Variants in MECOM observed in about 807,000 individuals in gnomAD.
The protein encoded by MECOM is MDS1 and EVI1 complex locus, also known as histone-lysine N-methyltransferase MECOM.
MECOM carries 13 observed loss-of-function variants against 116.3 expected under a neutral mutation model. The ratio of observed to expected loss-of-function variants is 0.11; its 90% CI spans 0.07 to 0.18. MECOM has a LOEUF of 0.18. MECOM is among the 10% of genes least tolerant of loss of function. The pLI is 1.00. For missense variants in MECOM, 1,299 were observed against 1,509.0 expected (o/e 0.86, Z 2.31); for synonymous variants, 528 against 535.2 (o/e 0.99, Z 0.19).
At chr3:169,112,538 C>A (rs1359267701) in intron 9 of MECOM, among the ~76,000 whole-genome samples, 2 of 152,144 alleles carry the variant, frequency 1.3e-5, no homozygotes, top group Non-Finnish European at 2.9e-5. Context: ...CCAAAATGCA[C>A]TTTAACTCAA....
chr3:169,179,933 C>T (rs564314807), intron 2 of MECOM, among the ~76,000 whole-genome samples: 16 of 152,302 alleles, frequency 1.1e-4, no homozygotes, highest in African/African-American at 3.8e-4. Context: ...AGACCTGTAG[C>T]TCAGCATAAA....
intron 2 of MECOM, among the ~76,000 whole-genome samples, chr3:169,347,003 T>G (rs1263645435): frequency 6.6e-6 from 1 of 152,056 alleles, no homozygotes; most frequent in Non-Finnish European, 1.5e-5. Context: ...TTATGGTATA[T>G]CCATTCAGTG....
At chr3:169,247,008 A>C (rs1033388482) in intron 2 of MECOM, among the ~76,000 whole-genome samples, 2 of 152,206 alleles carry the variant, frequency 1.3e-5, no homozygotes, top group Non-Finnish European at 2.9e-5. Context: ...TATTATTTAA[A>C]GAGATTTTTT....
At position 169,452,086 on chromosome 3, in the gene MECOM, T is replaced by TA. The variant is rs200668179; in HGVS notation, c.38-70563dup. Among the ~76,000 whole-genome samples the TA allele has an allele frequency of 2.0e-3, 300 of 152,082 alleles. 5 individuals are homozygous for TA. In the East Asian group the frequency reaches 0.048, roughly 25 times the overall value. ...TTCCCAAATAATAGCCATCGATTTT[T>TA]AAAAAAACTTTGAATGGATCAAATC... On this transcript the variant is annotated intron_variant, in intron 1 of 16. Coordinates refer to ENST00000651503, the MANE Select transcript of MECOM (RefSeq NM_004991.4).
rs539873617 is a variant in MECOM at position 169,097,817 on chromosome 3, TAAA to T, written c.2850-2575_2850-2573del. Reference sequence around the variant, plus strand: ...AACAGAGTGAGACCTACTGTCTATATAAAAAAAAAAAAAAAAAAAAAAAGGTGG... The same window carrying T: ...AACAGAGTGAGACCTACTGTCTATATAAAAAAAAAAAAAAAAAAAAGGTGG... On this transcript the variant is annotated intron_variant, in intron 12 of 16. Coordinates refer to ENST00000651503, the MANE Select transcript of MECOM (RefSeq NM_004991.4). Among the ~76,000 whole-genome samples the T allele has an allele frequency of 8.4e-3, 732 of 87,212 alleles. 12 individuals carry two copies. The highest frequency in any genetic ancestry group is 0.01 in the Non-Finnish European group (457 of 44,774). 57.2% of individuals were successfully genotyped at this position (87,212 alleles called of 152,430 possible).
At chr3:169,542,825 A>T (rs1433015017) in intron 1 of MECOM, among the ~76,000 whole-genome samples, 1 of 152,224 alleles carries the variant, frequency 6.6e-6, no homozygotes, top group Non-Finnish European at 1.5e-5. Flanking sequence ...TGGGGTTATC[A>T]TTAATGATCT....
intron 2 of MECOM, among the ~76,000 whole-genome samples, chr3:169,202,207 A>C (rs1749251930): frequency 6.6e-6 from 1 of 152,172 alleles, no homozygotes; most frequent in Non-Finnish European, 1.5e-5. Context: ...CAAAAAATAT[A>C]CTTCTTACCA....
intron 1 of MECOM, among the ~76,000 whole-genome samples, chr3:169,388,165 G>T (rs888359318): frequency 6.6e-6 from 1 of 152,074 alleles, no homozygotes. Context: ...GAGCACATGA[G>T]CACAAGTCCA....
chr3:169,094,725 T>C (rs1424015088), intron 13 of MECOM, among the ~76,000 whole-genome samples: 4 of 152,220 alleles, frequency 2.6e-5, no homozygotes, highest in African/African-American at 4.8e-5. Context: ...CTAGAGACTC[T>C]GCCATGCCTA....
At chr3:169,194,246 T>A (rs1361038362) in intron 2 of MECOM, among the ~76,000 whole-genome samples, 1 of 151,944 alleles carries the variant, frequency 6.6e-6, no homozygotes, top group Admixed American at 6.6e-5. Flanking sequence ...TTCTCACTCA[T>A]AGGTGGGAAT....
chr3:169,225,273 T>C (rs1449390904), intron 2 of MECOM, among the ~76,000 whole-genome samples: 1 of 152,230 alleles, frequency 6.6e-6, no homozygotes, highest in Non-Finnish European at 1.5e-5. Flanking sequence ...TTATGTTCAA[T>C]ATCCCATAGT....
chr3:169,092,154 A>T (rs1254275659), intron 14 of MECOM, among the ~76,000 whole-genome samples: 3 of 152,092 alleles, frequency 2.0e-5, no homozygotes, highest in Non-Finnish European at 4.4e-5. Flanking sequence ...AACAGCATTA[A>T]AAGCTTTTTT....
At chr3:169,090,273 T>C in intron 14 of MECOM, 37 bp from the exon 15 acceptor site, 1 of 1,553,382 alleles carries the variant, frequency 6.4e-7, no homozygotes, top group Non-Finnish European at 8.7e-7. Context: ...CAATTGTTGG[T>C]TTCATTTTTA....
chr3:169,320,151 C>A (rs376271899), intron 2 of MECOM, among the ~76,000 whole-genome samples: 3 of 152,064 alleles, frequency 2.0e-5, no homozygotes. Flanking sequence ...GGATTGGATG[C>A]GGATTTTAGA....
intron 2 of MECOM, among the ~76,000 whole-genome samples, chr3:169,154,834 G>A (rs959682814): frequency 3.3e-5 from 5 of 152,008 alleles, no homozygotes; most frequent in Non-Finnish European, 7.4e-5. Flanking sequence ...TTTTGCCTTG[G>A]TTATCATAGA....
chr3:169,198,143 T>A (rs571739121), intron 2 of MECOM, among the ~76,000 whole-genome samples: 10 of 152,192 alleles, frequency 6.6e-5, no homozygotes, highest in Non-Finnish European at 1.2e-4. Context: ...TGTAAACTAC[T>A]TATGATTCTT....
chr3:169,364,674 A>G (rs1418619140), intron 2 of MECOM, among the ~76,000 whole-genome samples: 5 of 152,064 alleles, frequency 3.3e-5, no homozygotes, highest in African/African-American at 7.2e-5. Flanking sequence ...CACTGTCACT[A>G]TCCAAAAGCA....
intron 16 of MECOM, chr3:169,086,642 A>T: frequency 1.4e-6 from 1 of 696,408 alleles, no homozygotes; most frequent in South Asian, 1.5e-5. Flanking sequence ...ACTTACATAA[A>T]GTGTTTAGCT....
intron 12 of MECOM, 66 bp downstream of exon 12, chr3:169,100,819 A>T: frequency 3.3e-6 from 3 of 901,396 alleles, no homozygotes; most frequent in Non-Finnish European, 4.4e-6. Flanking sequence ...TTATTATTTT[A>T]TTATTAAAAT....
Sources: gnomAD v4.1 joint callset for allele counts (sites outside exome capture counted in the v4.1 genomes callset) on GRCh38, gnomAD v4.1.1 for gene constraint, MANE v1.5 for transcripts, NCBI Gene and HGNC (gene_info 2026-07-23, HGNC 2026-07-21) for gene names.